Variants in SLC30A10 observed in about 807,000 individuals in gnomAD.
SLC30A10 encodes the protein calcium/manganese antiporter SLC30A10.
SLC30A10 carries 8 observed loss-of-function variants against 21.7 expected under a neutral mutation model. The observed-to-expected ratio is 0.37, with a 90% CI of 0.22 to 0.67. The LOEUF is 0.67. SLC30A10 is among the 30% of genes least tolerant of loss of function. The pLI is 0.58. For synonymous variants in SLC30A10, 272 were observed against 279.4 expected, an observed-to-expected ratio of 0.97 and a Z score of 0.26; for missense variants, 521 against 642.5, an observed-to-expected ratio of 0.81 and a Z score of 2.04.
intron 1 of SLC30A10, among the ~76,000 whole-genome samples, chr1:219,958,082 A>T (rs1330187040): frequency 6.6e-6 from 1 of 152,178 alleles, no homozygotes; most frequent in East Asian, 1.9e-4. Flanking sequence ...CCTAACAGTT[A>T]ATCAGCGTAC....
chr1:219,922,176 GTTTTTTTT>G lies in SLC30A10; in HGVS notation c.719-3690_719-3683del, dbSNP rs869249213. On this transcript the variant is annotated intron_variant, in intron 2 of 3. Transcript: ENST00000366926. ...TTCTTGTTTGTGTGTGTGTGTGTGT[GTTTTTTTT>G]TTTTTTTTTTTTTTTTTTTTTTTTT... Among the ~76,000 whole-genome samples the G allele has an allele frequency of 7.1e-3, 257 of 36,448 alleles. 13 individuals are homozygous for G. The highest frequency in any genetic ancestry group is 0.024 in the East Asian group (34 of 1,420). The allele number at this position is 36,448 out of a possible 152,430, so 23.9% of individuals were successfully genotyped here. A position where few individuals can be genotyped will look rare whatever the true frequency, so the allele number is the denominator to read the frequency against.
rs139669169 is a variant in SLC30A10 at position 219,922,158 on chromosome 1, TTGTGTGTG to T, written c.719-3672_719-3665del. Among the ~76,000 whole-genome samples, 4 of 42,838 alleles carry T rather than the reference TTGTGTGTG, an allele frequency of 9.3e-5. No individual in the cohort carries two copies. In the Admixed American group the frequency reaches 1.1e-3, roughly 12 times the overall value. 28.1% of individuals were successfully genotyped at this position (42,838 alleles called of 152,430 possible). On this transcript the variant is annotated intron_variant, in intron 2 of 3. Coordinates refer to ENST00000366926, the MANE Select transcript of SLC30A10 (RefSeq NM_018713.3). ...TAAAAGAATTTTTTTACCTTCTTGT[TTGTGTGTG>T]TGTGTGTGTGTTTTTTTTTTTTTTT...
chr1:219,918,169 A>T lies in SLC30A10; in HGVS notation c.958+86T>A. On this transcript the variant is annotated intron_variant, in intron 3 of 3. Coordinates refer to ENST00000366926, the MANE Select transcript of SLC30A10 (RefSeq NM_018713.3). This position sits in a 1 kb window ranked among gnomAD's most constrained non-coding sequence, Gnocchi z 4.4. ...TAAGGTGTTTCAGAATACATAACTCAAACACTGCTCTTAAATAATGCTTGT... is the reference window on the plus strand; with the variant it reads ...TAAGGTGTTTCAGAATACATAACTCTAACACTGCTCTTAAATAATGCTTGT... 6.5e-7 allele frequency: 1 copy of T among 1,529,932 alleles called. No individual in the cohort carries two copies. The highest frequency in any genetic ancestry group is 1.3e-5 in the South Asian group (1 of 79,316). 94.8% of individuals were successfully genotyped at this position (1,529,932 alleles called of 1,614,324 possible).
upstream of SLC30A10, among the ~76,000 whole-genome samples, chr1:219,929,023 G>A (rs1659923320): frequency 6.6e-6 from 1 of 152,238 alleles, no homozygotes; most frequent in African/African-American, 2.4e-5. Flanking sequence ...AGGCCCCGGA[G>A]CACAGGCTTG....
intron 1 of SLC30A10, among the ~76,000 whole-genome samples, chr1:219,955,168 G>T (rs148384334): frequency 9.9e-5 from 15 of 152,248 alleles, no homozygotes; most frequent in Non-Finnish European, 2.2e-4. Flanking sequence ...CCTACATGTT[G>T]TTTCCACCCC....
intron 1 of SLC30A10, among the ~76,000 whole-genome samples, chr1:219,948,639 G>C (rs1174847705): frequency 1.3e-5 from 2 of 152,170 alleles, no homozygotes; most frequent in Non-Finnish European, 2.9e-5. Flanking sequence ...TTAAACGTTA[G>C]ACCTAAAACC....
chr1:219,931,352 C>G (rs1294853615), upstream of SLC30A10, among the ~76,000 whole-genome samples: 1 of 152,040 alleles, frequency 6.6e-6, no homozygotes, highest in African/African-American at 2.4e-5. Flanking sequence ...GGGACCCATT[C>G]CTGACTTTAA....
intron 1 of SLC30A10, among the ~76,000 whole-genome samples, chr1:219,952,036 G>A (rs1660279805): frequency 6.6e-6 from 1 of 152,128 alleles, no homozygotes; most frequent in African/African-American, 2.4e-5. Context: ...CCATATATAT[G>A]ATTAACAATA....
intron 2 of SLC30A10, among the ~76,000 whole-genome samples, chr1:219,926,624 G>C (rs1161046033): frequency 6.6e-6 from 1 of 152,106 alleles, no homozygotes; most frequent in Non-Finnish European, 1.5e-5. Context: ...GATGCAATAG[G>C]GTCACTCAGC....
Position 219,921,921 on chromosome 1 carries a change from C to CAGAGAGAGAGAG in SLC30A10, c.719-3439_719-3428dup, listed in dbSNP as rs57806725. Among the ~76,000 whole-genome samples the CAGAGAGAGAGAG allele has an allele frequency of 1.1e-3, 152 of 137,940 alleles. 2 individuals are homozygous for CAGAGAGAGAGAG. The highest frequency in any genetic ancestry group is 3.6e-3 in the African/African-American group (126 of 35,278). The allele number at this position is 137,940 out of a possible 152,430, so 90.5% of individuals were successfully genotyped here. A position where few individuals can be genotyped will look rare whatever the true frequency, so the allele number is the denominator to read the frequency against. ...TGTGTGTGTGAAAGAGAGAGAGAGA[C>CAGAGAGAGAGAG]AGAGAGAGAGAGAGAGAGAGAGACC... On this transcript the variant is annotated intron_variant, in intron 2 of 3. Transcript: ENST00000366926.
chr1:219,938,693 A>G (rs1660078570), intron 1 of SLC30A10, among the ~76,000 whole-genome samples: 1 of 152,178 alleles, frequency 6.6e-6, no homozygotes. Flanking sequence ...TTATGTTATC[A>G]ATTGCTTCCA....
chr1:219,921,344 C>T (rs1032276388), intron 2 of SLC30A10, among the ~76,000 whole-genome samples: 1 of 152,112 alleles, frequency 6.6e-6, no homozygotes, highest in Admixed American at 6.5e-5. Flanking sequence ...GCACAGAATA[C>T]ATAAGTAACT....
chr1:219,927,438 G>A lies in SLC30A10; in HGVS notation c.641-333C>T, dbSNP rs565454552. On this transcript the variant is annotated intron_variant, in intron 1 of 3. Transcript: ENST00000366926. ...AAATTCAGACAGCAAGTAATGAGAG[G>A]GAGGAGGGGTTGGAGAGTCCTGCCT... is the stretch of plus-strand genomic sequence containing the variant. Among the ~76,000 whole-genome samples, 34 of 151,990 alleles carry A rather than the reference G, an allele frequency of 2.2e-4. No homozygotes were observed. In the South Asian group the frequency reaches 6.7e-3, roughly 30 times the overall value.
intron 1 of SLC30A10, among the ~76,000 whole-genome samples, chr1:219,952,945 G>A (rs113103846): frequency 2.0e-5 from 3 of 152,024 alleles, no homozygotes; most frequent in East Asian, 1.9e-4. Flanking sequence ...ACCCCTTCAC[G>A]GGACAACAAG....
At chr1:219,935,458 C>A (rs1660032858) in intron 1 of SLC30A10, among the ~76,000 whole-genome samples, 1 of 152,216 alleles carries the variant, frequency 6.6e-6, no homozygotes, top group Non-Finnish European at 1.5e-5. Context: ...TTGCCAAGTG[C>A]ACTGGTTGAA....
At chr1:219,936,146 G>A (rs901342323) in intron 1 of SLC30A10, among the ~76,000 whole-genome samples, 12 of 152,120 alleles carry the variant, frequency 7.9e-5, no homozygotes, top group African/African-American at 2.9e-4. Context: ...CTTGACCTCT[G>A]ACATGAAGTT....
In SLC30A10 at chr1:219,915,578, A is replaced by G. The variant is rs961372147; in HGVS notation, c.1329T>C (p.Asp443=). The part of the protein sequence containing the change: ...GGPSLDTYGS[D]GLSRRDAREV... Reference sequence around the variant, plus strand: ...CTCTTGCGTCTCTTCTACTGAGGCCATCACTTCCGTATGTGTCTAGAGAGG... The same window carrying G: ...CTCTTGCGTCTCTTCTACTGAGGCCGTCACTTCCGTATGTGTCTAGAGAGG... Residue 443 remains aspartate, a synonymous_variant, in exon 4 of 4, where the codon GAT becomes GAC. Transcript: ENST00000366926. 3.1e-6 allele frequency: 5 copies of G among 1,614,128 alleles called. No homozygotes were observed. The African/African-American group carries it at 5.3e-5, about 17-fold the overall frequency.
In SLC30A10 at chr1:219,915,876, T is replaced by C. The variant is rs1304113547; in HGVS notation, c.1031A>G (p.Lys344Arg). The change falls in exon 4 of 4, where the codon AAG becomes AGG. Residue 344 changes from lysine to arginine, a missense_variant. Coordinates refer to ENST00000366926, the MANE Select transcript of SLC30A10 (RefSeq NM_018713.3). ...CTTGATGTGCAGGGTGGCAATAATC[T>C]TTCCACTTACAAGTTCCCAGATGTG... The part of the protein sequence containing the change: ...EVHIWELVSG[K>R]IIATLHIKYP... 8 of 1,614,204 alleles carry C rather than the reference T, an allele frequency of 5.0e-6. No individual in the cohort carries two copies. Among genetic ancestry groups the C allele is most frequent in the Admixed American group, 3.3e-5 (2 of 60,028 alleles).
chr1:219,927,468 C>G (rs751918133), intron 1 of SLC30A10, among the ~76,000 whole-genome samples: 2 of 151,354 alleles, frequency 1.3e-5, no homozygotes, highest in African/African-American at 2.4e-5. Flanking sequence ...CTGCCTGTTG[C>G]CCAATAATAG....
Sources: allele counts gnomAD v4.1 joint callset (sites outside exome capture counted in the v4.1 genomes callset), GRCh38; gene constraint gnomAD v4.1.1; non-coding constraint Gnocchi (gnomAD v3.1); transcripts MANE v1.5; gene names NCBI Gene and HGNC (gene_info 2026-07-23, HGNC 2026-07-21).